Variants in BROX observed in about 807,000 individuals in gnomAD.
The protein encoded by BROX is BRO1 domain and CAAX motif containing.
Under a neutral mutation model 61.0 loss-of-function variants are expected in BROX, and 53 were observed. The ratio of observed to expected loss-of-function variants is 0.87; its 90% CI spans 0.70 to 1.09. The LOEUF (loss-of-function observed/expected upper bound fraction) is 1.09, where lower values mean the gene tolerates loss of function less well. Ranked by LOEUF, BROX falls within the 50% of genes least tolerant of loss-of-function variation. The pLI, the probability that BROX is intolerant of heterozygous loss-of-function variation, is 0.00. For synonymous variants in BROX, 152 were observed against 160.2 expected, an observed-to-expected ratio of 0.95 and a Z score of 0.38; for missense variants, 489 against 472.0, an observed-to-expected ratio of 1.04 and a Z score of -0.33.
chr1:222,719,393 C>A, intron 4 of BROX, 34 bp downstream of exon 4: 1 of 1,471,306 alleles, frequency 6.8e-7, no homozygotes, highest in Non-Finnish European at 9.5e-7. Flanking sequence ...AAATTGGAGC[C>A]AGTTTTTGTA....
Position 222,712,882 on chromosome 1 carries a change from G to A in BROX, c.-77G>A. ...CGACTCCCTCTTTTTCTCGCTTGTGGACTCCGATATATTGCCCTTCTTCCC... is the reference window on the plus strand; with the variant it reads ...CGACTCCCTCTTTTTCTCGCTTGTGAACTCCGATATATTGCCCTTCTTCCC... On this transcript the variant is annotated 5_prime_UTR_variant, in exon 1 of 13. Transcript: ENST00000340934. 1 of 1,263,250 alleles carries A rather than the reference G, an allele frequency of 7.9e-7. No homozygotes were observed. Among genetic ancestry groups the A allele is most frequent in the Non-Finnish European group, 1.0e-6 (1 of 972,998 alleles). The allele number at this position is 1,263,250 out of a possible 1,614,324, so 78.3% of individuals were successfully genotyped here.
rs952990625 is a variant in BROX at position 222,715,662 on chromosome 1, T to C, written c.-16-22T>C. 3 of 1,097,966 alleles carry C rather than the reference T, an allele frequency of 2.7e-6. No homozygotes were observed. The African/African-American group carries it at 4.9e-5, about 18-fold the overall frequency. The allele number at this position is 1,097,966 out of a possible 1,614,324, so 68.0% of individuals were successfully genotyped here. A position where few individuals can be genotyped will look rare whatever the true frequency, so the allele number is the denominator to read the frequency against. On this transcript the variant is annotated intron_variant, in intron 1 of 12. Coordinates refer to ENST00000340934, the MANE Select transcript of BROX (RefSeq NM_144695.4). ...ATATTTTATATTTAATTTTTGTATATTTTTTACTTTTTTGTCTATAGAAAA... is the reference window on the plus strand; with the variant it reads ...ATATTTTATATTTAATTTTTGTATACTTTTTACTTTTTTGTCTATAGAAAA...
chr1:222,725,515 A>G lies in BROX; in HGVS notation c.540A>G (p.Ile180Met). The G allele has an allele frequency of 1.9e-6, 3 of 1,613,260 alleles. No homozygotes were observed. The highest frequency in any genetic ancestry group is 2.5e-6 in the Non-Finnish European group (3 of 1,179,580). Reference sequence around the variant, plus strand: ...GAAGAGATTTAGAGTCACGACTCATAGAAGCATACGTTATTCAATGTCAGG... The same window carrying G: ...GAAGAGATTTAGAGTCACGACTCATGGAAGCATACGTTATTCAATGTCAGG... ...EKGRDLESRL[I>M]EAYVIQCQAE... is the part of the protein sequence containing the mutation. The change falls in exon 7 of 13, where the codon ATA (isoleucine) becomes ATG (methionine). Residue 180 changes from isoleucine to methionine, a missense_variant. By Grantham distance (10) the Ile-to-Met change is conservative. Transcript: ENST00000340934.
intron 2 of BROX, among the ~76,000 whole-genome samples, chr1:222,717,685 T>G (rs1656736920): frequency 6.6e-6 from 1 of 152,230 alleles, no homozygotes; most frequent in African/African-American, 2.4e-5. Context: ...GGAATAAGCC[T>G]CCTTAGAGTT....
At chr1:222,722,088 C>G (rs1030657755) in intron 4 of BROX, among the ~76,000 whole-genome samples, 1 of 152,118 alleles carries the variant, frequency 6.6e-6, no homozygotes, top group African/African-American at 2.4e-5. Flanking sequence ...GTTAAAAATA[C>G]GATTCTAAGC....
At position 222,712,881 on chromosome 1, in the gene BROX, G is replaced by A. The variant is rs1656166239; in HGVS notation, c.-78G>A. On this transcript the variant is annotated 5_prime_UTR_variant, in exon 1 of 13. Transcript: ENST00000340934. The stretch of plus-strand genomic sequence containing the variant: ...CCGACTCCCTCTTTTTCTCGCTTGT[G>A]GACTCCGATATATTGCCCTTCTTCC... 1 of 1,263,402 alleles carries A rather than the reference G, an allele frequency of 7.9e-7. No homozygotes were observed. Among genetic ancestry groups the A allele is most frequent in the African/African-American group, 1.5e-5 (1 of 64,914 alleles). 78.3% of individuals were successfully genotyped at this position (1,263,402 alleles called of 1,614,324 possible). A position where few individuals can be genotyped will look rare whatever the true frequency, so the allele number is the denominator to read the frequency against.
In BROX at chr1:222,734,045, T is replaced by G. The variant is rs370873910; in HGVS notation, c.*1331T>G. The G allele has an allele frequency of 5.9e-5, 9 of 152,184 alleles. No individual in the cohort carries two copies. Among genetic ancestry groups the G allele is most frequent in the African/African-American group, 2.2e-4 (9 of 41,468 alleles). 9.4% of individuals were successfully genotyped at this position (152,184 alleles called of 1,614,324 possible). A position where few individuals can be genotyped will look rare whatever the true frequency, so the allele number is the denominator to read the frequency against. The stretch of plus-strand genomic sequence containing the variant: ...TAGGCCAAAGGCCATAGCAAAAACA[T>G]AGAGAACAAATATGATCTTAAAAAT... On this transcript the variant is annotated 3_prime_UTR_variant, in exon 13 of 13. Coordinates refer to ENST00000340934, the MANE Select transcript of BROX (RefSeq NM_144695.4).
intron 9 of BROX, 48 bp from the exon 10 acceptor site, chr1:222,729,572 A>G (rs778968321): frequency 1.4e-6 from 2 of 1,422,224 alleles, no homozygotes; most frequent in East Asian, 2.3e-5. Context: ...AATAGGGGAA[A>G]GCATCTTGAA....
At chr1:222,730,980 G>A (rs575464316) in intron 11 of BROX, among the ~76,000 whole-genome samples, 13 of 151,986 alleles carry the variant, frequency 8.6e-5, no homozygotes, top group Non-Finnish European at 1.8e-4. Context: ...CTGTGTAGGT[G>A]GGTAGACTCA....
intron 4 of BROX, 84 bp downstream of exon 4, chr1:222,719,443 G>T: frequency 1.0e-6 from 1 of 968,614 alleles, no homozygotes; most frequent in South Asian, 1.5e-5. Context: ...TTTGTATTTG[G>T]AGAAGAAAAA....
intron 1 of BROX, 148 bp from the exon 2 acceptor site, chr1:222,715,536 C>T (rs1000718400): frequency 1.4e-5 from 5 of 345,268 alleles, no homozygotes; most frequent in South Asian, 8.2e-5. Flanking sequence ...GGTGAAACCC[C>T]GTCTCTACTA....
chr1:222,724,888 G>A (rs947534561), intron 6 of BROX, among the ~76,000 whole-genome samples: 1 of 151,822 alleles, frequency 6.6e-6, no homozygotes, highest in South Asian at 2.1e-4. Flanking sequence ...TCTGCCTCCC[G>A]GTTCAAGTGA....
chr1:222,712,718 G>A lies in BROX; in HGVS notation c.-241G>A, dbSNP rs1242070513. 56 of 1,291,204 alleles carry A rather than the reference G, an allele frequency of 4.3e-5. No homozygotes were observed. The Admixed American group carries it at 1.3e-3, about 29-fold the overall frequency. 80.0% of individuals were successfully genotyped at this position (1,291,204 alleles called of 1,614,324 possible). On this transcript the variant is annotated 5_prime_UTR_variant, in exon 1 of 13. Transcript: ENST00000340934. ...GATGATGAACGAAGCGTTTTGAGGG[G>A]ACTGCAACGCCGCGGCAATACCCGC... is the stretch of plus-strand genomic sequence containing the variant.
At position 222,734,746 on chromosome 1, in the gene BROX, C is replaced by T. The variant is rs1424455215; in HGVS notation, c.*2032C>T. ...TTGATGCCAGCTCTCTACTCTGTGG[C>T]TGTGGGACCTGTTTCTTTTAGGTAC... On this transcript the variant is annotated 3_prime_UTR_variant, in exon 13 of 13. Transcript: ENST00000340934. 6.6e-6 allele frequency: 1 copy of T among 152,180 alleles called. No individual in the cohort carries two copies. The highest frequency in any genetic ancestry group is 1.5e-5 in the Non-Finnish European group (1 of 68,034). 9.4% of individuals were successfully genotyped at this position (152,180 alleles called of 1,614,324 possible).
intron 4 of BROX, 123 bp downstream of exon 4, chr1:222,719,482 C>T: frequency 3.0e-6 from 2 of 659,960 alleles, no homozygotes; most frequent in South Asian, 4.3e-5. Flanking sequence ...TTTCTCTTAC[C>T]AGGAAATTAA....
At chr1:222,727,279 T>TA (rs759411087) in intron 8 of BROX, 22 bp downstream of exon 8, 3 of 1,537,806 alleles carry the variant, frequency 2.0e-6, no homozygotes, top group Middle Eastern at 1.7e-4. Flanking sequence ...ATTCTGTCGT[T>TA]ACATTTTTAG....
intron 7 of BROX, among the ~76,000 whole-genome samples, chr1:222,726,356 A>G (rs1407817066): frequency 6.6e-6 from 1 of 151,974 alleles, no homozygotes; most frequent in African/African-American, 2.4e-5. Flanking sequence ...GCTTGAGCCC[A>G]GGAGTTTGAG....
intron 3 of BROX, 80 bp downstream of exon 3, chr1:222,719,111 G>T: frequency 1.5e-6 from 2 of 1,374,168 alleles, no homozygotes; most frequent in South Asian, 2.5e-5. Context: ...TTTCAAATTT[G>T]ATTAGTTTAC....
chr1:222,724,011 T>G (rs559794344), intron 5 of BROX, 81 bp from the exon 6 acceptor site: 1 of 916,058 alleles, frequency 1.1e-6, no homozygotes, highest in Non-Finnish European at 1.7e-6. Context: ...CTACTTTGGA[T>G]GTATAATAAT....
Sources: allele counts gnomAD v4.1 joint callset (sites outside exome capture counted in the v4.1 genomes callset), GRCh38; gene constraint gnomAD v4.1.1; transcripts MANE v1.5; gene names NCBI Gene and HGNC (gene_info 2026-07-23, HGNC 2026-07-21).